Variants in PTPRM observed in about 807,000 individuals in gnomAD.
PTPRM encodes the protein protein tyrosine phosphatase receptor type M.
A neutral mutation model predicts 186.7 loss-of-function variants in PTPRM; 47 were observed. The observed-to-expected ratio is 0.25, with a 90% CI of 0.20 to 0.32. The LOEUF (loss-of-function observed/expected upper bound fraction) is 0.32, where lower values mean the gene tolerates loss of function less well. PTPRM is among the 10% of genes least tolerant of loss of function. PTPRM has a pLI of 1.00. For synonymous variants in PTPRM, 668 were observed against 674.9 expected (o/e 0.99, Z 0.16); for missense variants, 1,494 against 1,865.0 (o/e 0.80, Z 3.66).
At chr18:7,924,688 A>G (rs755490890) in intron 4 of PTPRM, among the ~76,000 whole-genome samples, 11 of 152,208 alleles carry the variant, frequency 7.2e-5, no homozygotes, top group Non-Finnish European at 1.6e-4. Context: ...AGGCAATAAC[A>G]TCAAGTTCTG....
At chr18:7,827,625 A>G (rs984749951) in intron 2 of PTPRM, among the ~76,000 whole-genome samples, 4 of 152,350 alleles carry the variant, frequency 2.6e-5, no homozygotes, top group South Asian at 4.2e-4. Flanking sequence ...ACCAAGCACC[A>G]AGAGTCACCT....
At chr18:7,976,123 C>T (rs8088827) in intron 7 of PTPRM, among the ~76,000 whole-genome samples, 11,077 of 152,046 alleles carry the variant, frequency 0.073, 520 homozygotes, top group Middle Eastern at 0.28. Context: ...GAGCCAAGAT[C>T]GCGCCATTGC....
At chr18:7,836,101 TATTG>T (rs2046034969) in intron 2 of PTPRM, among the ~76,000 whole-genome samples, 1 of 152,156 alleles carries the variant, frequency 6.6e-6, no homozygotes, top group African/African-American at 2.4e-5. Context: ...CATTCAATGT[TATTG>T]ATAAGTAAGG....
intron 1 of PTPRM, among the ~76,000 whole-genome samples, chr18:7,659,170 G>T (rs373978201): frequency 6.8e-6 from 1 of 147,964 alleles, no homozygotes; most frequent in Non-Finnish European, 1.5e-5. Context: ...TCCCTTCTCT[G>T]CTTTATTTTT....
intron 23 of PTPRM, among the ~76,000 whole-genome samples, chr18:8,352,632 C>CTTTTTTTTTTTTTTGTTTTTTTTTTT (rs1568809287): frequency 7.7e-6 from 1 of 130,460 alleles, no homozygotes; most frequent in Non-Finnish European, 1.6e-5. Flanking sequence ...TTTTTCTTTT[C>CTTTTTTTTTTTTTTGTTTTTTTTTTT]TTTTTTTTTT....
intron 1 of PTPRM, among the ~76,000 whole-genome samples, chr18:7,616,030 C>T (rs2037794984): frequency 2.0e-5 from 3 of 152,076 alleles, no homozygotes; most frequent in Non-Finnish European, 4.4e-5. Flanking sequence ...CAGTAATGCT[C>T]GCGAGCCGCC....
rs1388576855 is a variant in PTPRM, at chr18:7,842,882, C to T, written c.197-45224C>T. Among the ~76,000 whole-genome samples the T allele has an allele frequency of 3.9e-3, 232 of 58,852 alleles. 3 individuals are homozygous for T. Among genetic ancestry groups the T allele is most frequent in the African/African-American group, 0.014 (222 of 15,968 alleles). The allele number at this position is 58,852 out of a possible 152,430, so 38.6% of individuals were successfully genotyped here. ...GAAACATATATATATATATGTTTCT[C>T]GTGTGTATATATATATATGTTTCTC... On this transcript the variant is annotated intron_variant, in intron 2 of 32. Coordinates refer to ENST00000580170, the MANE Select transcript of PTPRM (RefSeq NM_001105244.2).
chr18:8,196,204 G>A (rs9916939), intron 14 of PTPRM, among the ~76,000 whole-genome samples: 6,048 of 152,254 alleles, frequency 0.04, 371 homozygotes, highest in African/African-American at 0.14. Flanking sequence ...TTAAGAACTC[G>A]GGGAGTGGGG....
intron 14 of PTPRM, among the ~76,000 whole-genome samples, chr18:8,187,977 T>C (rs938297213): frequency 6.6e-6 from 1 of 152,230 alleles, no homozygotes; most frequent in African/African-American, 2.4e-5. Context: ...TCTGTTTCTT[T>C]CCAGTCATTC....
rs769881967 is a variant in PTPRM, at chr18:7,888,103, C to T, written c.197-3C>T. 6 of 1,613,956 alleles carry T rather than the reference C, an allele frequency of 3.7e-6. No individual in the cohort carries two copies. Among genetic ancestry groups the T allele is most frequent in the Admixed American group, 3.3e-5 (2 of 59,986 alleles). ...ATGACTCTCCTTGATTTTGTTTTTGCAGGTTCTTTCATGCTGGTGAATGCC... is the reference window on the plus strand; with the variant it reads ...ATGACTCTCCTTGATTTTGTTTTTGTAGGTTCTTTCATGCTGGTGAATGCC... On this transcript the variant is annotated splice_region_variant and splice_polypyrimidine_tract_variant and intron_variant, in intron 2 of 32. Coordinates refer to ENST00000580170, the MANE Select transcript of PTPRM (RefSeq NM_001105244.2).
At chr18:8,065,474 C>T (rs1366234042) in intron 7 of PTPRM, among the ~76,000 whole-genome samples, 2 of 152,106 alleles carry the variant, frequency 1.3e-5, no homozygotes, top group African/African-American at 4.8e-5. Flanking sequence ...TCCTGCGTGA[C>T]AGCCAGTGCA....
At chr18:7,889,304 G>A (rs553598457) in intron 3 of PTPRM, among the ~76,000 whole-genome samples, 5 of 150,518 alleles carry the variant, frequency 3.3e-5, no homozygotes, top group East Asian at 2.0e-4. Flanking sequence ...TGCTATGTAC[G>A]GGGTTTGCAA....
intron 7 of PTPRM, among the ~76,000 whole-genome samples, chr18:8,055,703 A>G (rs1259596876): frequency 6.6e-6 from 1 of 152,106 alleles, no homozygotes; most frequent in Admixed American, 6.5e-5. Context: ...TAGTGAGCTT[A>G]TATTTGGGTG....
chr18:7,804,305 C>T (rs1350230393), intron 2 of PTPRM, among the ~76,000 whole-genome samples: 2 of 152,090 alleles, frequency 1.3e-5, no homozygotes, highest in Non-Finnish European at 2.9e-5. Flanking sequence ...TCTCACTAGA[C>T]CACCTTGAGT....
At chr18:7,775,404 T>A (rs2042531690) in intron 2 of PTPRM, among the ~76,000 whole-genome samples, 1 of 152,206 alleles carries the variant, frequency 6.6e-6, no homozygotes, top group African/African-American at 2.4e-5. Flanking sequence ...AAATCAGGTT[T>A]AGTTGCTTTT....
In PTPRM at chr18:7,766,446, A is replaced by T. The variant is rs147103802; in HGVS notation, c.74-7703A>T. On this transcript the variant is annotated intron_variant, in intron 1 of 32. Transcript: ENST00000580170. Reference sequence around the variant, plus strand: ...AGAGCTCCAGGGAGGAGACTCTTTCATTGCTGAGATCCAGGGGAAGGCTGT... The same window carrying T: ...AGAGCTCCAGGGAGGAGACTCTTTCTTTGCTGAGATCCAGGGGAAGGCTGT... Among the ~76,000 whole-genome samples, 721 of 152,342 alleles carry T rather than the reference A, an allele frequency of 4.7e-3. 1 individual carries two copies. Among genetic ancestry groups the T allele is most frequent in the Non-Finnish European group, 6.9e-3 (471 of 68,032 alleles).
intron 14 of PTPRM, among the ~76,000 whole-genome samples, chr18:8,212,972 A>G (rs890280704): frequency 3.9e-5 from 6 of 152,254 alleles, no homozygotes; most frequent in Admixed American, 3.9e-4. Context: ...GGTTTCATGC[A>G]GTATTCCAGA....
intron 19 of PTPRM, 99 bp downstream of exon 19, chr18:8,253,513 T>G: frequency 8.8e-7 from 1 of 1,130,354 alleles, no homozygotes; most frequent in Non-Finnish European, 1.2e-6. Flanking sequence ...GAAAACCCCC[T>G]GCCCCGAGAG....
At chr18:8,232,117 C>A (rs2094294572) in intron 14 of PTPRM, among the ~76,000 whole-genome samples, 1 of 152,208 alleles carries the variant, frequency 6.6e-6, no homozygotes, top group African/African-American at 2.4e-5. Flanking sequence ...AATCCTTTTA[C>A]TGTCTTCATA....
Sources: allele counts gnomAD v4.1 joint callset (sites outside exome capture counted in the v4.1 genomes callset), GRCh38; gene constraint gnomAD v4.1.1; transcripts MANE v1.5; gene names NCBI Gene and HGNC (gene_info 2026-07-23, HGNC 2026-07-21).